Variants in POLR3E observed in about 807,000 individuals in gnomAD.
POLR3E encodes RNA polymerase III subunit E, also known as DNA-directed RNA polymerase III subunit RPC5.
POLR3E carries 41 observed loss-of-function variants against 96.6 expected under a neutral mutation model. The ratio of observed to expected loss-of-function variants is 0.42; its 90% CI spans 0.33 to 0.55. POLR3E has a LOEUF of 0.55. POLR3E is among the 20% of genes least tolerant of loss of function. The pLI is 0.06. For synonymous variants in POLR3E, 396 were observed against 383.6 expected, an observed-to-expected ratio of 1.03 and a Z score of -0.38; for missense variants, 849 against 952.1, an observed-to-expected ratio of 0.89 and a Z score of 1.43.
intron 4 of POLR3E, chr16:22,308,623 A>T (rs1462583741): frequency 8.7e-6 from 4 of 457,306 alleles, no homozygotes; most frequent in Non-Finnish European, 1.6e-5. Context: ...GAGAAGTGGG[A>T]AATAAGGATT....
chr16:22,309,016 CCGA>C lies in POLR3E; in HGVS notation c.261_263del (p.Asp87del), dbSNP rs1567312314. 1 of 1,613,416 alleles carries C rather than the reference CCGA, an allele frequency of 6.2e-7. No homozygotes were observed. The highest frequency in any genetic ancestry group is 2.2e-5 in the East Asian group (1 of 44,868). On this transcript the variant is annotated inframe_deletion, in exon 5 of 21. Coordinates refer to ENST00000299853, the MANE Select transcript of POLR3E (RefSeq NM_018119.4). ...GCGCTGAACGTGGACGGGGCCTGCG[CCGA>C]CGAGACCAGCACGTATTCCTCGTGA...
At chr16:22,299,871 A>C (rs1567304999) in intron 1 of POLR3E, among the ~76,000 whole-genome samples, 1 of 149,172 alleles carries the variant, frequency 6.7e-6, no homozygotes. Flanking sequence ...GCCAGGCTAA[A>C]ATTTTTTTTT....
At chr16:22,328,671 A>C (rs1449748228) in intron 19 of POLR3E, 84 bp downstream of exon 19, 6 of 1,055,312 alleles carry the variant, frequency 5.7e-6, no homozygotes, top group Non-Finnish European at 8.9e-6. Flanking sequence ...ATGTGCACCC[A>C]AAGTGCAGCC....
intron 3 of POLR3E, among the ~76,000 whole-genome samples, chr16:22,306,754 G>T (rs1238116976): frequency 1.3e-5 from 2 of 152,242 alleles, no homozygotes; most frequent in Admixed American, 6.5e-5. Flanking sequence ...TAGCAGAATT[G>T]CTGGGTCTGC....
intron 3 of POLR3E, among the ~76,000 whole-genome samples, chr16:22,307,689 C>G (rs1390828262): frequency 6.6e-6 from 1 of 152,214 alleles, no homozygotes; most frequent in Non-Finnish European, 1.5e-5. Flanking sequence ...CCCACCTGCC[C>G]GTCGTCTGGC....
intron 12 of POLR3E, among the ~76,000 whole-genome samples, chr16:22,317,765 G>A (rs978914299): frequency 6.6e-6 from 1 of 151,520 alleles, no homozygotes; most frequent in Non-Finnish European, 1.5e-5. Context: ...TCAGCCTTCC[G>A]AGTGGCTGGG....
chr16:22,327,289 G>C (rs1021624924), intron 18 of POLR3E: 7 of 152,354 alleles, frequency 4.6e-5, no homozygotes, highest in African/African-American at 7.2e-5. Flanking sequence ...TGTCTCAGGG[G>C]ATCGGCCCTG....
At chr16:22,325,639 T>A in intron 17 of POLR3E, 122 bp from the exon 18 acceptor site, 1 of 1,217,566 alleles carries the variant, frequency 8.2e-7, no homozygotes, top group Non-Finnish European at 1.1e-6. Flanking sequence ...GTGGCTGATT[T>A]TCGAGAAAGG....
At chr16:22,328,845 G>T (rs1055444047) in intron 19 of POLR3E, 2 of 435,026 alleles carry the variant, frequency 4.6e-6, no homozygotes, top group Admixed American at 3.5e-5. Context: ...AAAAATACAG[G>T]CTGGGCGTAG....
At position 22,297,500 on chromosome 16, in the gene POLR3E, GGCCGTTGCC is replaced by G. The variant is rs2047915919; in HGVS notation, c.-70_-62del. On this transcript the variant is annotated 5_prime_UTR_variant, in exon 1 of 21. Transcript: ENST00000299853. Reference sequence around the variant, plus strand: ...CGTCTCTGCAGCCCGCGGGTAACTGGGCCGTTGCCGCCGTCCGCGCTCGGCCCCCGCGGA... The same window carrying G: ...CGTCTCTGCAGCCCGCGGGTAACTGGGCCGTCCGCGCTCGGCCCCCGCGGA... The G allele has an allele frequency of 6.6e-6, 1 of 152,468 alleles. No individual in the cohort carries two copies. Among genetic ancestry groups the G allele is most frequent in the South Asian group, 2.1e-4 (1 of 4,844 alleles). The allele number at this position is 152,468 out of a possible 1,614,324, so 9.4% of individuals were successfully genotyped here.
At chr16:22,319,985 A>G (rs970594124) in intron 13 of POLR3E, among the ~76,000 whole-genome samples, 3 of 151,784 alleles carry the variant, frequency 2.0e-5, no homozygotes, top group East Asian at 1.9e-4. Context: ...TTCTGTTTCT[A>G]TTTTTTCCTG....
chr16:22,299,503 T>G (rs544278599), intron 1 of POLR3E, among the ~76,000 whole-genome samples: 1 of 150,600 alleles, frequency 6.6e-6, no homozygotes, highest in South Asian at 2.1e-4. Flanking sequence ...AACCTCTGCC[T>G]TCTGGGTTCA....
chr16:22,297,566 TG>T (rs1036253972), intron 1 of POLR3E, 29 bp downstream of exon 1: 1 of 152,426 alleles, frequency 6.6e-6, no homozygotes, highest in Non-Finnish European at 1.5e-5. Flanking sequence ...GTGCCCGAGC[TG>T]GGGCTTGAGC....
intron 2 of POLR3E, among the ~76,000 whole-genome samples, chr16:22,304,802 G>GCCTGCC (rs1379455001): frequency 6.6e-5 from 10 of 152,308 alleles, no homozygotes; most frequent in Non-Finnish European, 1.5e-5. Context: ...ACAGGCCTAG[G>GCCTGCC]TGAGCCCTCG....
rs750557086 is a variant in POLR3E at position 22,313,936 on chromosome 16, G to C, written c.473-143G>C. 2.1e-4 allele frequency: 159 copies of C among 772,396 alleles called. No homozygotes were observed. The highest frequency in any genetic ancestry group is 3.3e-4 in the Non-Finnish European group (147 of 446,798). The allele number at this position is 772,396 out of a possible 1,614,324, so 47.8% of individuals were successfully genotyped here. On this transcript the variant is annotated intron_variant, in intron 7 of 20. Coordinates refer to ENST00000299853, the MANE Select transcript of POLR3E (RefSeq NM_018119.4). This position sits in a 1 kb window ranked among gnomAD's most constrained non-coding sequence, Gnocchi z 4.1. ...AGGGTAAAGGGGCAAAACTGTCCCC[G>C]ATTGAGAACCACTGGCTTAGGCAGC...
chr16:22,305,772 G>C (rs1201833481), intron 3 of POLR3E, among the ~76,000 whole-genome samples: 1 of 152,184 alleles, frequency 6.6e-6, no homozygotes, highest in Non-Finnish European at 1.5e-5. Flanking sequence ...TGGGCCAGCA[G>C]CTTGTCATTG....
rs1182571977 is a variant in POLR3E at position 22,326,208 on chromosome 16, T to C, written c.1796T>C (p.Phe599Ser). The change falls in exon 18 of 21, where the codon TTC becomes TCC. Residue 599 changes from phenylalanine to serine, a missense_variant. Coordinates refer to ENST00000299853, the MANE Select transcript of POLR3E (RefSeq NM_018119.4). Reference protein sequence around the residue: ...LASLPPGHTLFSGISDRMLQD... With the variant: ...LASLPPGHTLSSGISDRMLQD... ...AGCCTGCCCCCCGGCCACACACTCT[T>C]CAGCGGCATCTCGGACCGCATGCTA... 1.2e-6 allele frequency: 2 copies of C among 1,612,770 alleles called. No homozygotes were observed. Among genetic ancestry groups the C allele is most frequent in the Non-Finnish European group, 1.7e-6 (2 of 1,179,732 alleles).
chr16:22,318,583 G>T lies in POLR3E; in HGVS notation c.866-243G>T. Among the ~76,000 whole-genome samples the T allele has an allele frequency of 6.6e-6, 1 of 152,154 alleles. No individual in the cohort carries two copies. ...AGTAGTAATAGACCCTTCCTCCTGA[G>T]GCACCCCTCAAGTCTTCCTTAAGGG... On this transcript the variant is annotated intron_variant, in intron 12 of 20. Coordinates refer to ENST00000299853, the MANE Select transcript of POLR3E (RefSeq NM_018119.4). This position sits in a 1 kb window ranked among gnomAD's most constrained non-coding sequence, Gnocchi z 5.0.
intron 3 of POLR3E, among the ~76,000 whole-genome samples, chr16:22,307,205 G>A (rs2048151352): frequency 6.6e-6 from 1 of 152,164 alleles, no homozygotes; most frequent in Non-Finnish European, 1.5e-5. Context: ...GGAAGGATGA[G>A]GACTGGAAGC....
Sources: allele counts gnomAD v4.1 joint callset (sites outside exome capture counted in the v4.1 genomes callset), GRCh38; gene constraint gnomAD v4.1.1; non-coding constraint Gnocchi (gnomAD v3.1); transcripts MANE v1.5; gene names NCBI Gene and HGNC (gene_info 2026-07-23, HGNC 2026-07-21).